The following TSHZ2 variants were observed in gnomAD, a reference collection of about 807,000 sequenced individuals.
TSHZ2 encodes teashirt zinc finger homeobox 2.
A neutral mutation model predicts 74.4 loss-of-function variants in TSHZ2; 21 were observed. The ratio of observed to expected loss-of-function variants is 0.28; its 90% CI spans 0.20 to 0.41. TSHZ2 has a LOEUF of 0.41. Ranked by LOEUF, TSHZ2 falls within the 10% of genes least tolerant of loss-of-function variation. The pLI, the probability that TSHZ2 is intolerant of heterozygous loss-of-function variation, is 1.00. For synonymous variants in TSHZ2, 540 were observed against 515.3 expected (o/e 1.05, Z -0.65); for missense variants, 1,244 against 1,293.5 (o/e 0.96, Z 0.59).
chr20:53,006,347 T>C (rs1982645431), intron 1 of TSHZ2, among the ~76,000 whole-genome samples: 1 of 152,200 alleles, frequency 6.6e-6, no homozygotes, highest in South Asian at 2.1e-4. Context: ...GACTGAGAAA[T>C]AGATACAGAT....
Position 53,254,412 on chromosome 20 carries a change from C to T in TSHZ2, c.954C>T (p.Thr318=), listed in dbSNP as rs755602779. The part of the protein sequence containing the change: ...PVPTISSKMV[T]PAKKRVFDVN... ...CAACCATTTCCTCGAAAATGGTCACCCCGGCTAAGAAACGCGTTTTTGATG... is the reference window on the plus strand; with the variant it reads ...CAACCATTTCCTCGAAAATGGTCACTCCGGCTAAGAAACGCGTTTTTGATG... The change falls in exon 2 of 3, where the codon ACC becomes ACT. Residue 318 remains threonine (T), a synonymous_variant. Coordinates refer to ENST00000371497, the MANE Select transcript of TSHZ2 (RefSeq NM_173485.6). 1.6e-5 allele frequency: 26 copies of T among 1,613,440 alleles called. 1 individual carries two copies. In the South Asian group the frequency reaches 2.6e-4, roughly 16 times the overall value.
intron 1 of TSHZ2, among the ~76,000 whole-genome samples, chr20:53,239,478 A>T (rs2123690926): frequency 6.6e-6 from 1 of 152,314 alleles, no homozygotes; most frequent in Admixed American, 6.5e-5. Flanking sequence ...GCATATAAAG[A>T]TAAACACTCA....
chr20:53,313,328 T>C (rs1259354064), intron 2 of TSHZ2, among the ~76,000 whole-genome samples: 1 of 152,224 alleles, frequency 6.6e-6, no homozygotes, highest in Non-Finnish European at 1.5e-5. Flanking sequence ...TGAGAGTGCA[T>C]TACACACTTC....
chr20:53,169,057 A>G (rs979878886), intron 1 of TSHZ2, among the ~76,000 whole-genome samples: 2 of 152,210 alleles, frequency 1.3e-5, no homozygotes, highest in Non-Finnish European at 2.9e-5. Flanking sequence ...CGTCCTGCCC[A>G]TCCATTCCAA....
intron 1 of TSHZ2, among the ~76,000 whole-genome samples, chr20:53,148,511 A>T (rs1987597154): frequency 6.6e-6 from 1 of 152,128 alleles, no homozygotes; most frequent in African/African-American, 2.4e-5. Context: ...TACAGGCCTG[A>T]CACCCTGTAG....
At chr20:53,286,370 A>C (rs1313078087) in intron 2 of TSHZ2, among the ~76,000 whole-genome samples, 1 of 152,260 alleles carries the variant, frequency 6.6e-6, no homozygotes, top group Non-Finnish European at 1.5e-5. Context: ...ATAAGAAAAC[A>C]GAGTTCAGGA....
At position 53,469,045 on chromosome 20, in the gene TSHZ2, T is replaced by TTATATATATATATATATATGTA. The variant is rs1985656441; in HGVS notation, c.*9-18080_*9-18079insGTATATATATATATATATATAT. On this transcript the variant is annotated intron_variant, in intron 2 of 2. Coordinates refer to ENST00000371497, the MANE Select transcript of TSHZ2 (RefSeq NM_173485.6). The stretch of plus-strand genomic sequence containing the variant: ...ACCTAAAGGCTCTGAAATCGATATT[T>TTATATATATATATATATATGTA]TATATATATATATATATATATATAT... Among the ~76,000 whole-genome samples the TTATATATATATATATATATGTA allele has an allele frequency of 6.1e-5, 3 of 49,128 alleles. No individual in the cohort carries two copies. The East Asian group carries it at 2.4e-3, about 40-fold the overall frequency. 32.2% of individuals were successfully genotyped at this position (49,128 alleles called of 152,430 possible).
chr20:53,367,080 A>C (rs1472215285), intron 2 of TSHZ2, among the ~76,000 whole-genome samples: 1 of 152,134 alleles, frequency 6.6e-6, no homozygotes, highest in Admixed American at 6.5e-5. Flanking sequence ...CAAATAATTC[A>C]GAATTTTGCT....
chr20:53,110,684 A>G lies in TSHZ2; in HGVS notation c.40+137351A>G, dbSNP rs116374880. ...GTGGTAAGGGGTGGAAATTCAGACC[A>G]TAGTGAATCCAACAGCCATGGCAGA... On this transcript the variant is annotated intron_variant, in intron 1 of 2. Coordinates refer to ENST00000371497, the MANE Select transcript of TSHZ2 (RefSeq NM_173485.6). Among the ~76,000 whole-genome samples, 700 of 152,270 alleles carry G rather than the reference A, an allele frequency of 4.6e-3. 5 individuals carry two copies. Among genetic ancestry groups the G allele is most frequent in the African/African-American group, 0.016 (666 of 41,552 alleles).
chr20:53,404,882 TAA>T (rs1159753618), intron 2 of TSHZ2, among the ~76,000 whole-genome samples: 1 of 143,904 alleles, frequency 6.9e-6, no homozygotes, highest in Non-Finnish European at 1.6e-5. Context: ...TTAAAAGACT[TAA>T]ACAATTATTT....
intron 2 of TSHZ2, among the ~76,000 whole-genome samples, chr20:53,433,596 C>G (rs985423400): frequency 4.0e-5 from 6 of 150,632 alleles, no homozygotes; most frequent in South Asian, 2.1e-4. Context: ...CACACACACA[C>G]ACACACACAC....
chr20:53,186,182 G>A (rs1988594762), intron 1 of TSHZ2, among the ~76,000 whole-genome samples: 1 of 152,194 alleles, frequency 6.6e-6, no homozygotes, highest in Non-Finnish European at 1.5e-5. Context: ...CTATTTGTGT[G>A]CATCTCTCTT....
chr20:53,050,297 C>A (rs1984415422), intron 1 of TSHZ2, among the ~76,000 whole-genome samples: 1 of 151,618 alleles, frequency 6.6e-6, no homozygotes, highest in South Asian at 2.1e-4. Context: ...CCGATTTACT[C>A]TCACTGTTGC....
chr20:53,320,602 G>T (rs979174587), intron 2 of TSHZ2, among the ~76,000 whole-genome samples: 1 of 152,160 alleles, frequency 6.6e-6, no homozygotes, highest in African/African-American at 2.4e-5. Context: ...CTGGTAGAAG[G>T]CTCAGAGCCC....
At chr20:53,301,374 A>G (rs550763641) in intron 2 of TSHZ2, among the ~76,000 whole-genome samples, 3 of 152,342 alleles carry the variant, frequency 2.0e-5, no homozygotes, top group African/African-American at 7.2e-5. Context: ...GTCTTTCTCA[A>G]TGACTGTGTG....
intron 1 of TSHZ2, among the ~76,000 whole-genome samples, chr20:53,248,614 T>C (rs138248735): frequency 1.9e-4 from 29 of 152,358 alleles, no homozygotes; most frequent in African/African-American, 6.5e-4. Context: ...TTATCCATGA[T>C]AAAATTAGTC....
chr20:53,234,273 G>GT (rs1398440777), intron 1 of TSHZ2, among the ~76,000 whole-genome samples: 2 of 152,180 alleles, frequency 1.3e-5, no homozygotes, highest in Admixed American at 1.3e-4. Flanking sequence ...TGGTGAGTGG[G>GT]TAAGTTTTGC....
rs1986526248 is a variant in TSHZ2, at chr20:53,494,341, T to TGGTGCCACCATCCTGTCCTCC, written c.*7207_*7227dup. ...AAAAAGTGCTCCCTTTCCTGTCCTGTGGTGCCACCATCCTGTCCTCCTTCG... is the reference window on the plus strand; with the variant it reads ...AAAAAGTGCTCCCTTTCCTGTCCTGTGGTGCCACCATCCTGTCCTCCGGTGCCACCATCCTGTCCTCCTTCG... On this transcript the variant is annotated 3_prime_UTR_variant, in exon 3 of 3. Coordinates refer to ENST00000371497, the MANE Select transcript of TSHZ2 (RefSeq NM_173485.6). 6.6e-6 allele frequency: 1 copy of TGGTGCCACCATCCTGTCCTCC among 151,518 alleles called. No individual in the cohort carries two copies. The highest frequency in any genetic ancestry group is 1.9e-4 in the East Asian group (1 of 5,164). The allele number at this position is 151,518 out of a possible 1,614,324, so 9.4% of individuals were successfully genotyped here.
chr20:53,473,161 C>G (rs1985880643), intron 2 of TSHZ2, among the ~76,000 whole-genome samples: 1 of 146,802 alleles, frequency 6.8e-6, no homozygotes, highest in Non-Finnish European at 1.5e-5. Flanking sequence ...CACCACAGCT[C>G]AAGGAGTCCT....
Sources: gnomAD v4.1 joint callset for allele counts (sites outside exome capture counted in the v4.1 genomes callset) on GRCh38, gnomAD v4.1.1 for gene constraint, MANE v1.5 for transcripts, NCBI Gene and HGNC (gene_info 2026-07-23, HGNC 2026-07-21) for gene names.